TTC6: variants seen among roughly 807,000 people sequenced by gnomAD.
TTC6 encodes the protein tetratricopeptide repeat domain 6.
Under a neutral mutation model 210.4 loss-of-function variants are expected in TTC6, and 172 were observed. The ratio of observed to expected loss-of-function variants is 0.82; its 90% CI spans 0.72 to 0.93. The LOEUF is 0.93. Among genes scored for constraint, TTC6 ranks in the 40% least tolerant of loss-of-function variants. The pLI is 0.00. For missense variants in TTC6, 2,414 were observed against 2,318.1 expected, an observed-to-expected ratio of 1.04 and a Z score of -0.85; for synonymous variants, 804 against 819.6, an observed-to-expected ratio of 0.98 and a Z score of 0.32.
At chr14:37,700,480 C>A (rs980757145) in intron 4 of TTC6, among the ~76,000 whole-genome samples, 1 of 152,034 alleles carries the variant, frequency 6.6e-6, no homozygotes, top group Non-Finnish European at 1.5e-5. Flanking sequence ...CAGTGGCTCA[C>A]GCCTGTAATC....
chr14:37,789,936 C>G (rs2096075744), intron 15 of TTC6, among the ~76,000 whole-genome samples: 1 of 151,978 alleles, frequency 6.6e-6, no homozygotes, highest in South Asian at 2.1e-4. Flanking sequence ...TCATGAGAAG[C>G]TTTAAAGATA....
chr14:37,757,683 C>T (rs1321658673), intron 14 of TTC6, among the ~76,000 whole-genome samples: 1 of 152,140 alleles, frequency 6.6e-6, no homozygotes, highest in Non-Finnish European at 1.5e-5. Context: ...TCTCTACCTC[C>T]TTCAGTTCTG....
intron 12 of TTC6, among the ~76,000 whole-genome samples, chr14:37,750,745 C>G (rs1024190711): frequency 6.6e-6 from 1 of 151,950 alleles, no homozygotes; most frequent in Admixed American, 6.6e-5. Flanking sequence ...CAAAAATTAG[C>G]TGGGTGTGGT....
At chr14:37,639,539 A>T (rs1386547299) in intron 1 of TTC6, among the ~76,000 whole-genome samples, 6 of 152,084 alleles carry the variant, frequency 3.9e-5, no homozygotes, top group Non-Finnish European at 4.4e-5. Context: ...CTTTCAGTAA[A>T]TACACATGCT....
In TTC6 at chr14:37,652,444, G is replaced by A. The variant is rs138822392; in HGVS notation, c.940-27707G>A. Among the ~76,000 whole-genome samples the A allele has an allele frequency of 3.7e-3, 556 of 151,952 alleles. 4 individuals carry two copies. The highest frequency in any genetic ancestry group is 0.013 in the African/African-American group (533 of 41,508). On this transcript the variant is annotated intron_variant, in intron 1 of 30. Transcript: ENST00000553443. ...AATGATCTAGCAGAGAGAGAGAGACGGAAGATGCAAGAAGAAATAGATTTA... is the reference window on the plus strand; with the variant it reads ...AATGATCTAGCAGAGAGAGAGAGACAGAAGATGCAAGAAGAAATAGATTTA...
At chr14:37,647,684 A>G (rs1205233392) in intron 1 of TTC6, among the ~76,000 whole-genome samples, 3 of 152,146 alleles carry the variant, frequency 2.0e-5, no homozygotes, top group African/African-American at 7.2e-5. Flanking sequence ...GTGGCAGGTT[A>G]GGGTTAGAGG....
At chr14:37,682,915 A>G (rs2138562700) in exon 3 of TTC6, 1 of 1,535,652 alleles carries the variant, frequency 6.5e-7, no homozygotes, top group Non-Finnish European at 8.7e-7. Flanking sequence ...CCTTTGGAAG[A>G]TGGACAGCCC....
intron 2 of TTC6, among the ~76,000 whole-genome samples, chr14:37,609,734 G>C (rs1001773206): frequency 6.6e-5 from 10 of 152,106 alleles, no homozygotes; most frequent in African/African-American, 2.4e-4. Context: ...TAGGAACATG[G>C]CATGTATATT....
intron 26 of TTC6, among the ~76,000 whole-genome samples, chr14:37,817,866 T>A (rs1171820122): frequency 1.3e-5 from 2 of 152,184 alleles, no homozygotes; most frequent in African/African-American, 4.8e-5. Flanking sequence ...TCTAATAGAC[T>A]GTTTTACACA....
intron 5 of TTC6, among the ~76,000 whole-genome samples, chr14:37,711,175 G>T (rs188503949): frequency 6.6e-4 from 101 of 152,232 alleles, no homozygotes; most frequent in Middle Eastern, 3.4e-3. Flanking sequence ...AGAGTCTGGG[G>T]CTGGCTTTGG....
At chr14:37,749,544 T>G in intron 11 of TTC6, 143 bp downstream of exon 13, 1 of 1,096,170 alleles carries the variant, frequency 9.1e-7, no homozygotes, top group African/African-American at 1.6e-5. Context: ...ATTTGCATTT[T>G]CAAGTAATTA....
At chr14:37,634,397 T>G (rs926626723) in intron 1 of TTC6, among the ~76,000 whole-genome samples, 1 of 151,924 alleles carries the variant, frequency 6.6e-6, no homozygotes, top group Non-Finnish European at 1.5e-5. Context: ...AAAGAATCAG[T>G]GAACTTGGAG....
chr14:37,804,794 G>C (rs2096114702), exon 21 of TTC6: 1 of 1,613,880 alleles, frequency 6.2e-7, no homozygotes. Flanking sequence ...TTGTTACATG[G>C]AGGAAGGCAA....
chr14:37,808,620 G>T (rs1445284453), intron 23 of TTC6, 113 bp from the exon 26 acceptor site: 1 of 546,430 alleles, frequency 1.8e-6, no homozygotes, highest in African/African-American at 2.0e-5. Context: ...ATGATACAAA[G>T]AATGGTTAAA....
chr14:37,682,068 T>C (rs2095785085), intron 2 of TTC6, among the ~76,000 whole-genome samples: 1 of 151,966 alleles, frequency 6.6e-6, no homozygotes. Context: ...GCAGCCTAGA[T>C]GGCTGAGCTA....
chr14:37,737,687 T>C, exon 9 of TTC6: 1 of 1,524,786 alleles, frequency 6.6e-7, no homozygotes, highest in Middle Eastern at 1.7e-4. Flanking sequence ...ATCTGCATCA[T>C]TTGAAAGTAT....
chr14:37,695,293 G>C (rs1757961938), intron 3 of TTC6, among the ~76,000 whole-genome samples: 4 of 152,106 alleles, frequency 2.6e-5, no homozygotes, highest in South Asian at 2.1e-4. Context: ...ACAAAAGATA[G>C]AATTAATGAA....
chr14:37,613,726 A>T (rs1219373067), intron 2 of TTC6, among the ~76,000 whole-genome samples: 1 of 151,990 alleles, frequency 6.6e-6, no homozygotes, highest in African/African-American at 2.4e-5. Context: ...TGCCCATTTC[A>T]TCTAAATTGT....
chr14:37,617,665 A>G (rs139706912), upstream of TTC6, among the ~76,000 whole-genome samples: 29 of 152,308 alleles, frequency 1.9e-4, no homozygotes, highest in African/African-American at 7.0e-4. Context: ...TGAGGACACA[A>G]ACAGATCTCA....
Sources: gnomAD v4.1 joint callset for allele counts (sites outside exome capture counted in the v4.1 genomes callset) on GRCh38, gnomAD v4.1.1 for gene constraint, MANE v1.5 for transcripts, NCBI Gene and HGNC (gene_info 2026-07-23, HGNC 2026-07-21) for gene names.